ERG: variants seen among roughly 807,000 people sequenced by gnomAD.
ERG encodes transcriptional regulator ERG.
In ERG, 9 loss-of-function variants were observed where a neutral mutation model predicts 55.3. That is an observed-to-expected ratio of 0.16 (90% CI 0.10 to 0.28). ERG has a LOEUF of 0.28. Ranked by LOEUF, ERG falls within the 10% of genes least tolerant of loss-of-function variation. The pLI is 1.00. For missense variants in ERG, 434 were observed against 631.6 expected, an observed-to-expected ratio of 0.69 and a Z score of 3.35; for synonymous variants, 223 against 237.3, an observed-to-expected ratio of 0.94 and a Z score of 0.55.
intron 1 of ERG, among the ~76,000 whole-genome samples, chr21:38,475,127 A>G (rs1230025153): frequency 2.6e-5 from 4 of 152,220 alleles, no homozygotes; most frequent in Non-Finnish European, 5.9e-5. Context: ...AACGCGGAAC[A>G]TAATGCACCA....
chr21:38,389,808 A>G (rs1275540305), intron 9 of ERG, among the ~76,000 whole-genome samples: 1 of 152,180 alleles, frequency 6.6e-6, no homozygotes, highest in Non-Finnish European at 1.5e-5. Context: ...CACCTAGTCT[A>G]GGCCCCAGGC....
chr21:38,435,381 T>A (rs1038644636), intron 2 of ERG, among the ~76,000 whole-genome samples: 1 of 152,146 alleles, frequency 6.6e-6, no homozygotes, highest in Non-Finnish European at 1.5e-5. Context: ...TATTTCTGAA[T>A]CAGAGGCAGT....
At chr21:38,608,165 T>A (rs1456733622) in intron 1 of ERG, among the ~76,000 whole-genome samples, 1 of 152,216 alleles carries the variant, frequency 6.6e-6, no homozygotes, top group Non-Finnish European at 1.5e-5. Context: ...GGATGATTTT[T>A]AAAAATCCAG....
chr21:38,515,894 T>C (rs537760070), intron 2 of ERG, among the ~76,000 whole-genome samples: 59 of 152,126 alleles, frequency 3.9e-4, no homozygotes, highest in Non-Finnish European at 7.5e-4. Context: ...TATGATCATA[T>C]CAATAAATGC....
intron 2 of ERG, among the ~76,000 whole-genome samples, chr21:38,571,900 CAG>C (rs2059960160): frequency 6.6e-6 from 1 of 152,166 alleles, no homozygotes; most frequent in African/African-American, 2.4e-5. Flanking sequence ...TGTGATGACA[CAG>C]AGTCTTCACG....
intron 2 of ERG, among the ~76,000 whole-genome samples, chr21:38,542,460 G>A (rs889809940): frequency 3.3e-5 from 5 of 152,148 alleles, no homozygotes; most frequent in Non-Finnish European, 5.9e-5. Context: ...GATGTTTACA[G>A]GACAAATGAC....
chr21:38,618,184 T>C (rs73442412), intron 1 of ERG, among the ~76,000 whole-genome samples: 11,791 of 152,136 alleles, frequency 0.078, 903 homozygotes, highest in African/African-American at 0.21. Flanking sequence ...GCAGCCCCAG[T>C]GAGAAGTTGA....
rs2060353278 is a variant in ERG at position 38,631,034 on chromosome 21, G to A, written c.-150+30624C>T. Among the ~76,000 whole-genome samples, 3 of 152,214 alleles carry A rather than the reference G, an allele frequency of 2.0e-5. 1 individual carries two copies. In the South Asian group the frequency reaches 6.2e-4, roughly 31 times the overall value. ...GAATTTGAAACCCCTGGAATGGAAA[G>A]CATAAAGCTCTGACAATCTGGGCTG... On this transcript the variant is annotated intron_variant, in intron 1 of 10. Transcript: ENST00000398910.
intron 1 of ERG, among the ~76,000 whole-genome samples, chr21:38,492,584 G>A (rs1304645784): frequency 6.6e-6 from 1 of 152,128 alleles, no homozygotes; most frequent in Non-Finnish European, 1.5e-5. Flanking sequence ...AGAAGAAATG[G>A]ATAAGATATC....
intron 1 of ERG, among the ~76,000 whole-genome samples, chr21:38,591,640 T>A (rs549999324): frequency 4.7e-4 from 71 of 152,204 alleles, no homozygotes; most frequent in Non-Finnish European, 8.7e-4. Flanking sequence ...TGCAGCAAGC[T>A]GAGATTGCAC....
chr21:38,463,607 T>C (rs1315264658), intron 1 of ERG, among the ~76,000 whole-genome samples: 1 of 152,206 alleles, frequency 6.6e-6, no homozygotes, highest in East Asian at 1.9e-4. Flanking sequence ...TTAAAGGAAC[T>C]GGTGTGCACT....
chr21:38,440,372 C>T (rs2058828854), intron 2 of ERG, among the ~76,000 whole-genome samples: 2 of 152,226 alleles, frequency 1.3e-5, no homozygotes, highest in Admixed American at 1.3e-4. Flanking sequence ...GTGAGCCCCT[C>T]CGTGGCAGAA....
downstream of ERG, among the ~76,000 whole-genome samples, chr21:38,379,381 A>C (rs944641016): frequency 2.0e-5 from 3 of 152,238 alleles, no homozygotes; most frequent in Non-Finnish European, 4.4e-5. Context: ...ATGAGTCATA[A>C]ACTTGTAACA....
At chr21:38,428,672 C>A (rs1343586881) in intron 2 of ERG, among the ~76,000 whole-genome samples, 1 of 152,172 alleles carries the variant, frequency 6.6e-6, no homozygotes, top group African/African-American at 2.4e-5. Context: ...CATACACATA[C>A]TTTTAAACAT....
At chr21:38,447,640 A>G (rs2836410) in intron 1 of ERG, among the ~76,000 whole-genome samples, 14,830 of 151,612 alleles carry the variant, frequency 0.098, 860 homozygotes, top group Non-Finnish European at 0.13. Context: ...TAAAATCAGC[A>G]CCATAGACTT....
chr21:38,410,793 A>G (rs1301735573), intron 3 of ERG, among the ~76,000 whole-genome samples: 1 of 152,242 alleles, frequency 6.6e-6, no homozygotes, highest in Non-Finnish European at 1.5e-5. Context: ...CTCTAGAGAA[A>G]TGAATAAAGT....
At chr21:38,553,026 A>G (rs1319973228) in intron 2 of ERG, among the ~76,000 whole-genome samples, 1 of 152,184 alleles carries the variant, frequency 6.6e-6, no homozygotes, top group African/African-American at 2.4e-5. Context: ...AAAAATCAGT[A>G]GCATTTCTAA....
intron 1 of ERG, among the ~76,000 whole-genome samples, chr21:38,656,497 T>C (rs8134664): frequency 0.82 from 124,407 of 152,116 alleles, 51,348 homozygotes; most frequent in African/African-American, 0.94. Context: ...AATATTTCCT[T>C]AAGATAGTCA....
intron 1 of ERG, among the ~76,000 whole-genome samples, chr21:38,618,460 G>T (rs945754854): frequency 1.3e-5 from 2 of 152,164 alleles, no homozygotes; most frequent in Admixed American, 1.3e-4. Context: ...GGCCCCAAAA[G>T]CAAAAGGTTT....
Sources: allele counts gnomAD v4.1 joint callset (sites outside exome capture counted in the v4.1 genomes callset), GRCh38; gene constraint gnomAD v4.1.1; transcripts MANE v1.5; gene names NCBI Gene and HGNC (gene_info 2026-07-23, HGNC 2026-07-21).